Variants in PARVB observed in about 807,000 individuals in gnomAD.
PARVB encodes beta-parvin.
A neutral mutation model predicts 47.0 loss-of-function variants in PARVB; 46 were observed. The ratio of observed to expected loss-of-function variants is 0.98; its 90% CI spans 0.77 to 1.25. The LOEUF is 1.25. Among genes scored for constraint, PARVB ranks in the 50% most tolerant of loss-of-function variants. The pLI, the probability that PARVB is intolerant of heterozygous loss-of-function variation, is 0.00. For missense variants in PARVB, 473 were observed against 471.6 expected (o/e 1.00, Z -0.03); for synonymous variants, 196 against 196.3 (o/e 1.00, Z 0.01).
intron 2 of PARVB, among the ~76,000 whole-genome samples, chr22:43,999,843 A>AC (rs1569041437): frequency 2.2e-4 from 31 of 138,334 alleles, no homozygotes; most frequent in East Asian, 1.3e-3. Flanking sequence ...TGAAAAAAAA[A>AC]AAAAAAAAAA....
intron 3 of PARVB, chr22:44,116,028 C>T (rs1601627769): frequency 6.6e-6 from 1 of 152,554 alleles, no homozygotes; most frequent in Admixed American, 6.5e-5. Context: ...GTGCTTTATT[C>T]AGATATCCTC....
chr22:44,135,273 T>C (rs1159158183), intron 6 of PARVB, among the ~76,000 whole-genome samples: 1 of 152,054 alleles, frequency 6.6e-6, no homozygotes, highest in African/African-American at 2.4e-5. Flanking sequence ...ACTTTTTTTT[T>C]TTTGAGATGG....
At chr22:44,075,304 G>C (rs953809318) in intron 1 of PARVB, among the ~76,000 whole-genome samples, 6 of 152,208 alleles carry the variant, frequency 3.9e-5, no homozygotes, top group Non-Finnish European at 5.9e-5. Flanking sequence ...ACCCTGAAGG[G>C]ACTAGACTAT....
chr22:44,022,983 G>A (rs1345812130), upstream of PARVB, among the ~76,000 whole-genome samples: 2 of 151,828 alleles, frequency 1.3e-5, no homozygotes, highest in African/African-American at 4.8e-5. Context: ...TTGACCTCAG[G>A]TGATCTGCCT....
chr22:44,122,082 T>A (rs1189280780), intron 4 of PARVB, among the ~76,000 whole-genome samples: 4 of 152,236 alleles, frequency 2.6e-5, no homozygotes, highest in Non-Finnish European at 5.9e-5. Context: ...ATTAATTTGT[T>A]TCTCTCTGTA....
intron 1 of PARVB, among the ~76,000 whole-genome samples, chr22:44,056,665 C>G: frequency 6.6e-6 from 1 of 151,888 alleles, no homozygotes. Flanking sequence ...ACAGCCACAC[C>G]TGGCTAATTT....
At chr22:44,136,567 G>A in intron 7 of PARVB, 49 bp downstream of exon 7, 1 of 1,521,164 alleles carries the variant, frequency 6.6e-7, no homozygotes, top group Non-Finnish European at 9.1e-7. Context: ...CCCCGAGTGA[G>A]TGGGACCCCA....
chr22:44,094,022 G>C lies in PARVB; in HGVS notation c.202+5G>C, dbSNP rs777258918. 11 of 1,571,472 alleles carry C rather than the reference G, an allele frequency of 7.0e-6. No individual in the cohort carries two copies. In the African/African-American group the frequency reaches 1.2e-4, roughly 17 times the overall value. ...ACCCTGAAGACACCCAGCTTGGTAC[G>C]GGGGTTCCTCCGCTCCCTGCCCTGA... On this transcript the variant is annotated splice_donor_5th_base_variant and intron_variant, in intron 2 of 12. Coordinates refer to ENST00000338758, the MANE Select transcript of PARVB (RefSeq NM_013327.5).
intron 1 of PARVB, among the ~76,000 whole-genome samples, chr22:44,060,562 G>C (rs1252262971): frequency 6.6e-6 from 1 of 152,074 alleles, no homozygotes. Context: ...TATACCTGAT[G>C]GGACTTAACT....
Position 44,090,477 on chromosome 22 carries a change from G to A in PARVB, c.113-3451G>A, listed in dbSNP as rs570179819. 2.2e-4 allele frequency among the ~76,000 whole-genome samples: 33 copies of A among 152,372 alleles called. No individual in the cohort carries two copies. The South Asian group carries it at 5.4e-3, about 25-fold the overall frequency. ...GTCATCTTTGATGTTCAAGGGCGGT[G>A]TGGAAATCTCTGTTTTGATATGACC... On this transcript the variant is annotated intron_variant, in intron 1 of 12. Transcript: ENST00000338758.
At chr22:44,128,831 A>G (rs1033031794) in intron 4 of PARVB, among the ~76,000 whole-genome samples, 3 of 152,198 alleles carry the variant, frequency 2.0e-5, no homozygotes, top group Admixed American at 6.5e-5. Flanking sequence ...TAATCCCAGC[A>G]CTTCCGGAGG....
intron 2 of PARVB, among the ~76,000 whole-genome samples, chr22:44,098,591 A>G (rs1278667693): frequency 6.6e-6 from 1 of 152,116 alleles, no homozygotes; most frequent in Admixed American, 6.5e-5. Context: ...GCCGGCCTTG[A>G]TCCCAGCAGG....
intron 4 of PARVB, among the ~76,000 whole-genome samples, chr22:44,122,790 C>T (rs574855286): frequency 1.4e-4 from 21 of 152,270 alleles, no homozygotes; most frequent in African/African-American, 4.3e-4. Context: ...CTGCTTGTTT[C>T]GCTTAATATG....
At chr22:44,157,521 C>T (rs538385185) in intron 10 of PARVB, among the ~76,000 whole-genome samples, 134 of 152,282 alleles carry the variant, frequency 8.8e-4, no homozygotes, top group Non-Finnish European at 1.6e-3. Flanking sequence ...ACTTCACATT[C>T]AGGCCTTCAC....
chr22:44,002,619 C>A (rs1387665871), intron 2 of PARVB, among the ~76,000 whole-genome samples: 1 of 152,040 alleles, frequency 6.6e-6, no homozygotes, highest in Non-Finnish European at 1.5e-5. Flanking sequence ...GGATGTCTTT[C>A]CTGCGTGGCT....
intron 1 of PARVB, among the ~76,000 whole-genome samples, chr22:44,028,451 A>G (rs1434192790): frequency 6.6e-6 from 1 of 152,138 alleles, no homozygotes; most frequent in African/African-American, 2.4e-5. Context: ...ATATACATTG[A>G]AGGCCCTTCC....
At chr22:44,050,527 G>C (rs1032458204) in intron 1 of PARVB, among the ~76,000 whole-genome samples, 1 of 152,002 alleles carries the variant, frequency 6.6e-6, no homozygotes, top group Non-Finnish European at 1.5e-5. Flanking sequence ...TAGTAGAGAT[G>C]GGGTTTCTCC....
chr22:44,097,075 G>T (rs2052326187), intron 2 of PARVB, among the ~76,000 whole-genome samples: 1 of 152,134 alleles, frequency 6.6e-6, no homozygotes, highest in Non-Finnish European at 1.5e-5. Context: ...GCCACCGAGA[G>T]GAGCATGGCA....
At chr22:44,138,644 A>G (rs1014890121) in intron 7 of PARVB, among the ~76,000 whole-genome samples, 50 of 152,158 alleles carry the variant, frequency 3.3e-4, no homozygotes, top group African/African-American at 1.2e-3. Flanking sequence ...CCTCCTATCC[A>G]GTCTCAGTGT....
Sources: gnomAD v4.1 joint callset for allele counts (sites outside exome capture counted in the v4.1 genomes callset) on GRCh38, gnomAD v4.1.1 for gene constraint, MANE v1.5 for transcripts, NCBI Gene and HGNC (gene_info 2026-07-23, HGNC 2026-07-21) for gene names.